CDH10: variants seen among roughly 807,000 people sequenced by gnomAD.
CDH10 encodes cadherin-10.
In CDH10, 30 loss-of-function variants were observed where a neutral mutation model predicts 73.1. The observed-to-expected ratio is 0.41, with a 90% CI of 0.31 to 0.56. The LOEUF (loss-of-function observed/expected upper bound fraction) is 0.56, where lower values mean the gene tolerates loss of function less well. Ranked by LOEUF, CDH10 falls within the 20% of genes least tolerant of loss-of-function variation. The probability of loss-of-function intolerance (pLI) is 0.27; values close to 1 mark genes in which losing one functional copy is unlikely to be tolerated. For synonymous variants in CDH10, 345 were observed against 348.2 expected (o/e 0.99, Z 0.10); for missense variants, 815 against 973.7 (o/e 0.84, Z 2.17).
chr5:24,524,984 C>T (rs983122363), intron 5 of CDH10, among the ~76,000 whole-genome samples: 1 of 151,960 alleles, frequency 6.6e-6, no homozygotes, highest in African/African-American at 2.4e-5. Context: ...GACCTTTGCA[C>T]TTGAATATTT....
chr5:24,607,111 A>C (rs190552206), intron 1 of CDH10, among the ~76,000 whole-genome samples: 1 of 152,312 alleles, frequency 6.6e-6, no homozygotes. Context: ...GAGTCAGTGC[A>C]ACAGTGCATA....
chr5:24,492,262 A>G (rs1742083527), intron 10 of CDH10, among the ~76,000 whole-genome samples: 1 of 152,242 alleles, frequency 6.6e-6, no homozygotes, highest in South Asian at 2.1e-4. Context: ...TCATGAAGAA[A>G]ATGGATTAGG....
chr5:24,625,753 G>A (rs955557668), intron 1 of CDH10, among the ~76,000 whole-genome samples: 2 of 151,422 alleles, frequency 1.3e-5, no homozygotes, highest in African/African-American at 4.8e-5. Context: ...GCATCATTTT[G>A]AAGCATCTTA....
chr5:24,544,903 A>G (rs1744285935), intron 2 of CDH10, among the ~76,000 whole-genome samples: 1 of 152,186 alleles, frequency 6.6e-6, no homozygotes, highest in African/African-American at 2.4e-5. Flanking sequence ...GCATTTATTT[A>G]TTTCAGAAAC....
intron 1 of CDH10, among the ~76,000 whole-genome samples, chr5:24,615,755 G>C (rs1747104258): frequency 1.3e-5 from 2 of 152,094 alleles, no homozygotes; most frequent in Non-Finnish European, 2.9e-5. Flanking sequence ...TTATTAGACT[G>C]GCCCTCTTCA....
chr5:24,637,546 AT>A (rs1478780507), intron 1 of CDH10, among the ~76,000 whole-genome samples: 1 of 151,912 alleles, frequency 6.6e-6, no homozygotes, highest in African/African-American at 2.4e-5. Context: ...TTTGTACTAA[AT>A]TCATCCTTGT....
chr5:24,593,133 C>CA (rs1363634674), intron 2 of CDH10, 127 bp downstream of exon 2: 4 of 583,244 alleles, frequency 6.9e-6, no homozygotes, highest in African/African-American at 1.9e-5. Context: ...GTTCCATAAA[C>CA]AAAAATCCTT....
intron 2 of CDH10, among the ~76,000 whole-genome samples, chr5:24,560,320 T>C (rs957856063): frequency 1.3e-5 from 2 of 151,986 alleles, no homozygotes; most frequent in African/African-American, 4.8e-5. Context: ...TAGGGAAATA[T>C]GTTGGGAAAG....
chr5:24,553,076 A>G (rs1029384915), intron 2 of CDH10, among the ~76,000 whole-genome samples: 1 of 152,188 alleles, frequency 6.6e-6, no homozygotes, highest in African/African-American at 2.4e-5. Flanking sequence ...CTTGTTGGGC[A>G]AGACAGACAA....
At chr5:24,642,021 T>A (rs1748070196) in intron 1 of CDH10, among the ~76,000 whole-genome samples, 1 of 152,136 alleles carries the variant, frequency 6.6e-6, no homozygotes, top group Admixed American at 6.6e-5. Flanking sequence ...GTAATTTGCA[T>A]AGTAGAAATC....
Position 24,511,320 on chromosome 5 carries a change from T to C in CDH10, c.1002+7A>G, listed in dbSNP as rs1742892708. 6.3e-7 allele frequency: 1 copy of C among 1,579,372 alleles called. No individual in the cohort carries two copies. Among genetic ancestry groups the C allele is most frequent in the Non-Finnish European group, 8.7e-7 (1 of 1,149,630 alleles). ...CACAGATGCTTATTTATATGGATGC[T>C]GTGCACCTTTTTCACAGTGATGATG... On this transcript the variant is annotated splice_region_variant and intron_variant, in intron 6 of 11. Transcript: ENST00000264463.
At chr5:24,504,992 G>T in intron 8 of CDH10, 120 bp downstream of exon 8, 1 of 724,246 alleles carries the variant, frequency 1.4e-6, no homozygotes, top group Non-Finnish European at 2.2e-6. Context: ...AAATTCATCT[G>T]TCCAATGAGA....
intron 8 of CDH10, among the ~76,000 whole-genome samples, chr5:24,503,484 C>T (rs866575583): frequency 1.3e-5 from 2 of 152,178 alleles, no homozygotes; most frequent in South Asian, 2.1e-4. Flanking sequence ...TGTTTTAATG[C>T]TCCATCTCAC....
intron 1 of CDH10, among the ~76,000 whole-genome samples, chr5:24,628,869 CACACAG>C (rs1331384080): frequency 6.8e-5 from 10 of 147,300 alleles, no homozygotes; most frequent in African/African-American, 2.6e-4. Context: ...CACACACACA[CACACAG>C]ACACACACAC....
rs1393505138 is a variant in CDH10 at position 24,511,423 on chromosome 5, A to G, written c.906T>C (p.Ala302=). 6.2e-7 allele frequency: 1 copy of G among 1,611,460 alleles called. No homozygotes were observed. Among genetic ancestry groups the G allele is most frequent in the Admixed American group, 1.7e-5 (1 of 60,010 alleles). Residue 302 remains alanine (A), a synonymous_variant, in exon 6 of 12, where the codon GCT becomes GCC. Coordinates refer to ENST00000264463, the MANE Select transcript of CDH10 (RefSeq NM_006727.5). ...CATCAATAATTCGGTATTCTACTTC[A>G]GCATTTTTCCCAGTGTCAGCATCAG... is the stretch of plus-strand genomic sequence containing the variant. ...KATDADTGKN[A]EVEYRIIDGD...
chr5:24,589,304 G>A (rs1283922985), intron 2 of CDH10, among the ~76,000 whole-genome samples: 1 of 152,068 alleles, frequency 6.6e-6, no homozygotes, highest in Non-Finnish European at 1.5e-5. Flanking sequence ...TCTACACTGT[G>A]GGAAACAAAC....
At chr5:24,571,442 C>T (rs1045694421) in intron 2 of CDH10, among the ~76,000 whole-genome samples, 1 of 151,928 alleles carries the variant, frequency 6.6e-6, no homozygotes. Flanking sequence ...GGTTATGTGA[C>T]AAGAAAATAA....
At chr5:24,631,804 T>C (rs1056467639) in intron 1 of CDH10, among the ~76,000 whole-genome samples, 2 of 152,186 alleles carry the variant, frequency 1.3e-5, no homozygotes, top group Middle Eastern at 3.4e-3. Flanking sequence ...ATAATATATA[T>C]ATTAAAACTC....
chr5:24,543,599 G>T (rs1187946065), intron 2 of CDH10, among the ~76,000 whole-genome samples: 1 of 151,968 alleles, frequency 6.6e-6, no homozygotes, highest in African/African-American at 2.4e-5. Context: ...TCTCCTGGTG[G>T]TATCATTAGT....
Sources: gnomAD v4.1 joint callset for allele counts (sites outside exome capture counted in the v4.1 genomes callset) on GRCh38, gnomAD v4.1.1 for gene constraint, MANE v1.5 for transcripts, NCBI Gene and HGNC (gene_info 2026-07-23, HGNC 2026-07-21) for gene names.